Variants in IQCM observed in about 807,000 individuals in gnomAD.
The protein encoded by IQCM is IQ domain-containing protein M.
IQCM carries 45 observed loss-of-function variants against 57.6 expected under a neutral mutation model. The observed-to-expected ratio is 0.78, with a 90% CI of 0.62 to 1.00. The LOEUF (loss-of-function observed/expected upper bound fraction) is 1.00, where lower values mean the gene tolerates loss of function less well. Among genes scored for constraint, IQCM ranks in the 50% least tolerant of loss-of-function variants. The pLI is 0.00. For synonymous variants in IQCM, 148 were observed against 158.9 expected (o/e 0.93, Z 0.51); for missense variants, 468 against 511.6 (o/e 0.91, Z 0.82).
chr4:149,592,777 T>C (rs1753330897), intron 8 of IQCM, among the ~76,000 whole-genome samples: 1 of 151,924 alleles, frequency 6.6e-6, no homozygotes, highest in Non-Finnish European at 1.5e-5. Context: ...AGATGGGTGG[T>C]ATTATTTCTG....
intron 12 of IQCM, among the ~76,000 whole-genome samples, chr4:149,466,157 TCTATC>T (rs1738839586): frequency 6.6e-6 from 1 of 152,196 alleles, no homozygotes; most frequent in Non-Finnish European, 1.5e-5. Context: ...TATGCACACT[TCTATC>T]ATATCAGCTA....
At chr4:149,634,516 A>G (rs1757561540) in intron 7 of IQCM, among the ~76,000 whole-genome samples, 1 of 152,204 alleles carries the variant, frequency 6.6e-6, no homozygotes, top group Admixed American at 6.5e-5. Flanking sequence ...TTGTATTCCT[A>G]TATACATAGC....
intron 7 of IQCM, among the ~76,000 whole-genome samples, chr4:149,664,158 A>G (rs1760479623): frequency 6.6e-6 from 1 of 152,104 alleles, no homozygotes; most frequent in African/African-American, 2.4e-5. Context: ...TTTCCATAAT[A>G]TCTATCTCTT....
At chr4:149,598,683 C>A (rs529215636) in intron 8 of IQCM, among the ~76,000 whole-genome samples, 1 of 152,094 alleles carries the variant, frequency 6.6e-6, no homozygotes, top group Non-Finnish European at 1.5e-5. Flanking sequence ...AAATTAAAAT[C>A]ACAAAGAAAT....
Position 149,351,965 on chromosome 4 carries a change from A to G in IQCM, c.1492T>C (p.Cys498Arg), listed in dbSNP as rs1005120049. ...TGTTGGAAACATCATTCAACTTTAC[A>G]TGACTTATAATGTTGTCTCATTTTC... is the stretch of plus-strand genomic sequence containing the variant. ...ERKMRQHYKS[C>R]KVE Residue 498 changes from cysteine (C) to arginine (R), a missense_variant, in exon 14 of 14, where the codon TGT (cysteine) becomes CGT (arginine). Cys to Arg is a radical substitution (Grantham distance 180). Coordinates refer to ENST00000636793, the MANE Select transcript of IQCM (RefSeq NM_001363507.2). The G allele has an allele frequency of 1.2e-4, 46 of 398,864 alleles. No homozygotes were observed. Among genetic ancestry groups the G allele is most frequent in the African/African-American group, 9.0e-4 (44 of 48,634 alleles). 24.7% of individuals were successfully genotyped at this position (398,864 alleles called of 1,614,324 possible).
intron 13 of IQCM, among the ~76,000 whole-genome samples, chr4:149,406,591 C>A (rs919409731): frequency 4.6e-5 from 7 of 152,052 alleles, no homozygotes; most frequent in Admixed American, 1.3e-4. Context: ...TCTCTATTCT[C>A]AGAGCAAAGT....
At chr4:149,430,398 T>C (rs1006740100) in intron 13 of IQCM, among the ~76,000 whole-genome samples, 1 of 152,000 alleles carries the variant, frequency 6.6e-6, no homozygotes, top group Non-Finnish European at 1.5e-5. Context: ...TAAAGTGTAC[T>C]ATTTAATAAC....
Position 149,443,614 on chromosome 4 carries a change from G to T in IQCM, c.1229-10057C>A, listed in dbSNP as rs1385747754. Among the ~76,000 whole-genome samples the T allele has an allele frequency of 2.7e-5, 4 of 147,400 alleles. No homozygotes were observed. The East Asian group carries it at 8.1e-4, about 30-fold the overall frequency. The stretch of plus-strand genomic sequence containing the variant: ...ATACTAAGTCTTGTTAAAATAGAGC[G>T]CAATAAAATTGAATTAAAATAACTA... On this transcript the variant is annotated intron_variant, in intron 12 of 13. Coordinates refer to ENST00000636793, the MANE Select transcript of IQCM (RefSeq NM_001363507.2).
chr4:149,481,752 C>G (rs562470562), intron 12 of IQCM, among the ~76,000 whole-genome samples: 115 of 40,428 alleles, frequency 2.8e-3, no homozygotes, highest in Middle Eastern at 0.018. Context: ...TTTGGCTATT[C>G]TGGGTCTTCT....
At chr4:149,441,415 A>G (rs1735928848) in intron 12 of IQCM, among the ~76,000 whole-genome samples, 1 of 152,138 alleles carries the variant, frequency 6.6e-6, no homozygotes, top group African/African-American at 2.4e-5. Context: ...TAAAAAGAAA[A>G]AGGGTTACTG....
intron 5 of IQCM, among the ~76,000 whole-genome samples, chr4:149,693,992 C>T (rs1472433028): frequency 3.3e-5 from 5 of 152,092 alleles, no homozygotes; most frequent in Non-Finnish European, 7.4e-5. Flanking sequence ...CCCACCATCC[C>T]TTTACTAATC....
intron 8 of IQCM, among the ~76,000 whole-genome samples, chr4:149,608,558 GAAGTACC>G: frequency 1.3e-5 from 2 of 151,720 alleles, no homozygotes; most frequent in Non-Finnish European, 3.0e-5. Flanking sequence ...GAAATCATAT[GAAGTACC>G]TTTTCTAACT....
intron 12 of IQCM, among the ~76,000 whole-genome samples, chr4:149,442,949 CACACAGAGAGAGAGAG>C (rs1195531074): frequency 8.9e-5 from 5 of 56,288 alleles, no homozygotes; most frequent in African/African-American, 2.2e-4. Context: ...CACACACACA[CACACAGAGAGAGAGAG>C]AGAGAGAGAG....
At chr4:149,417,320 A>C (rs1217797775) in intron 13 of IQCM, among the ~76,000 whole-genome samples, 1 of 152,066 alleles carries the variant, frequency 6.6e-6, no homozygotes, top group African/African-American at 2.4e-5. Flanking sequence ...AGCTTGGAGG[A>C]GAGATTCCCT....
chr4:149,682,388 T>A (rs911172003), intron 6 of IQCM, among the ~76,000 whole-genome samples, 182 bp from the exon 7 acceptor site: 1 of 151,148 alleles, frequency 6.6e-6, no homozygotes, highest in Non-Finnish European at 1.5e-5. Flanking sequence ...AAAGACAAAA[T>A]ACTACGAAAT....
At chr4:149,777,767 C>G (rs1366873753) in intron 2 of IQCM, among the ~76,000 whole-genome samples, 1 of 152,176 alleles carries the variant, frequency 6.6e-6, no homozygotes, top group Non-Finnish European at 1.5e-5. Flanking sequence ...TTGGAAGACT[C>G]TGAAAGTAAA....
At chr4:149,453,224 A>C (rs1737326293) in intron 12 of IQCM, among the ~76,000 whole-genome samples, 1 of 151,786 alleles carries the variant, frequency 6.6e-6, no homozygotes, top group Non-Finnish European at 1.5e-5. Flanking sequence ...GATAGTCCTA[A>C]GTTTGACAGC....
At chr4:149,689,449 C>T (rs901061900) in intron 5 of IQCM, among the ~76,000 whole-genome samples, 1 of 151,904 alleles carries the variant, frequency 6.6e-6, no homozygotes, top group African/African-American at 2.4e-5. Context: ...ATGTAGATGA[C>T]GGGTTGACAG....
intron 12 of IQCM, among the ~76,000 whole-genome samples, chr4:149,477,817 A>G (rs545451826): frequency 6.6e-6 from 1 of 152,178 alleles, no homozygotes; most frequent in South Asian, 2.1e-4. Flanking sequence ...GAGAGGGTAT[A>G]CTGGGGGGAA....
Sources: gnomAD v4.1 joint callset for allele counts (sites outside exome capture counted in the v4.1 genomes callset) on GRCh38, gnomAD v4.1.1 for gene constraint, MANE v1.5 for transcripts, NCBI Gene and HGNC (gene_info 2026-07-23, HGNC 2026-07-21) for gene names.